Variants in TMTC3 observed in about 807,000 individuals in gnomAD.
TMTC3 encodes the protein protein O-mannosyl-transferase TMTC3.
In TMTC3, 52 loss-of-function variants were observed where a neutral mutation model predicts 92.2. The observed-to-expected ratio is 0.56, with a 90% CI of 0.45 to 0.71. TMTC3 has a LOEUF of 0.71. TMTC3 is among the 30% of genes least tolerant of loss of function. The probability of loss-of-function intolerance (pLI) is 0.00; values close to 1 mark genes in which losing one functional copy is unlikely to be tolerated. For missense variants in TMTC3, 896 were observed against 1,057.1 expected, an observed-to-expected ratio of 0.85 and a Z score of 2.11; for synonymous variants, 339 against 363.3, an observed-to-expected ratio of 0.93 and a Z score of 0.76.
chr12:88,195,143 A>G lies in TMTC3; in HGVS notation c.2239A>G (p.Met747Val). The change falls in exon 14 of 14, where the codon ATG (methionine) becomes GTG (valine). Residue 747 changes from methionine to valine, a missense_variant. Transcript: ENST00000266712. ...CCTCATTTTAAAAGGAGACATTCTG[A>G]TGAATCAAAAGAAAGATATACTAGG... ...KGLILKGDIL[M>V]NQKKDILGAK... is the part of the protein sequence containing the mutation. The G allele has an allele frequency of 6.2e-7, 1 of 1,613,892 alleles. No homozygotes were observed. Among genetic ancestry groups the G allele is most frequent in the Non-Finnish European group, 8.5e-7 (1 of 1,179,938 alleles).
intron 7 of TMTC3, among the ~76,000 whole-genome samples, chr12:88,169,135 A>G (rs1271985146): frequency 1.3e-5 from 2 of 152,248 alleles, no homozygotes; most frequent in Non-Finnish European, 2.9e-5. Context: ...AAAGCAGTCA[A>G]GAAGAGTGGA....
At chr12:88,143,172 A>T (rs1024607328) in intron 1 of TMTC3, among the ~76,000 whole-genome samples, 10 of 148,808 alleles carry the variant, frequency 6.7e-5, no homozygotes, top group East Asian at 2.0e-4. Context: ...TTTTTTTTTT[A>T]AACGCTGCTT....
chr12:88,145,803 C>T (rs536367121), intron 1 of TMTC3, among the ~76,000 whole-genome samples: 5 of 152,308 alleles, frequency 3.3e-5, no homozygotes, highest in Admixed American at 3.3e-4. Context: ...GTGTAGCTGT[C>T]TGCTAAGAAC....
intron 1 of TMTC3, among the ~76,000 whole-genome samples, chr12:88,143,294 A>T (rs2040797934): frequency 6.6e-6 from 1 of 152,322 alleles, no homozygotes; most frequent in East Asian, 1.9e-4. Flanking sequence ...CAAAATAAAA[A>T]GATACTGATT....
intron 10 of TMTC3, among the ~76,000 whole-genome samples, chr12:88,186,193 A>G (rs1393144887): frequency 6.6e-6 from 1 of 152,118 alleles, no homozygotes; most frequent in African/African-American, 2.4e-5. Context: ...TTGCATCCCT[A>G]GGCAGGATGA....
chr12:88,176,066 A>G, intron 9 of TMTC3, 142 bp from the exon 10 acceptor site: 1 of 546,050 alleles, frequency 1.8e-6, no homozygotes, highest in Non-Finnish European at 3.3e-6. Context: ...TTGGTGAAGC[A>G]GTCTTTATTT....
At chr12:88,152,893 T>G (rs2040959608) in intron 2 of TMTC3, among the ~76,000 whole-genome samples, 1 of 152,202 alleles carries the variant, frequency 6.6e-6, no homozygotes, top group Admixed American at 6.6e-5. Context: ...CTTTTGAAGA[T>G]CTAGCCAGTA....
intron 11 of TMTC3, among the ~76,000 whole-genome samples, 155 bp downstream of exon 11, chr12:88,189,101 T>TA (rs1230023627): frequency 6.6e-6 from 1 of 151,958 alleles, no homozygotes; most frequent in Non-Finnish European, 1.5e-5. Context: ...TTAATTTTTT[T>TA]TTTTTTTTTG....
rs369378055 is a variant in TMTC3 at position 88,157,895 on chromosome 12, C to T, written c.509-2219C>T. On this transcript the variant is annotated intron_variant, in intron 4 of 13. Transcript: ENST00000266712. ...ACTGAAGTGATTGGTTTCAGTAAGA[C>T]ATTTGCATTTATTACTCTTAGTTGA... 5.3e-5 allele frequency among the ~76,000 whole-genome samples: 8 copies of T among 152,242 alleles called. No individual in the cohort carries two copies. In the South Asian group the frequency reaches 1.7e-3, roughly 32 times the overall value.
chr12:88,148,969 A>G (rs1314813203), intron 2 of TMTC3, among the ~76,000 whole-genome samples: 2 of 152,002 alleles, frequency 1.3e-5, no homozygotes, highest in African/African-American at 4.8e-5. Context: ...AATTGACTTT[A>G]TTTCTCTTTT....
At chr12:88,160,275 A>G (rs1275300237) in intron 5 of TMTC3, 46 bp downstream of exon 5, 1 of 1,094,502 alleles carries the variant, frequency 9.1e-7, no homozygotes, top group Non-Finnish European at 1.3e-6. Context: ...GATATATTTT[A>G]TCCTAGTTGA....
intron 7 of TMTC3, among the ~76,000 whole-genome samples, chr12:88,171,360 C>T (rs111572653): frequency 0.016 from 2,481 of 152,084 alleles, 23 homozygotes; most frequent in Non-Finnish European, 0.024. Flanking sequence ...CCAACCTCTC[C>T]CCAACCTTCT....
intron 10 of TMTC3, among the ~76,000 whole-genome samples, chr12:88,183,126 T>G (rs1394110411): frequency 6.6e-6 from 1 of 152,150 alleles, no homozygotes; most frequent in Non-Finnish European, 1.5e-5. Context: ...GCTCCTCAAC[T>G]AATTCATGGG....
chr12:88,174,937 G>A (rs1489099678), intron 9 of TMTC3, among the ~76,000 whole-genome samples: 3 of 152,068 alleles, frequency 2.0e-5, no homozygotes, highest in Non-Finnish European at 4.4e-5. Flanking sequence ...AAGCATATAT[G>A]ATAATTCCCT....
At chr12:88,182,653 A>G (rs191487499) in intron 10 of TMTC3, among the ~76,000 whole-genome samples, 175 of 152,306 alleles carry the variant, frequency 1.1e-3, no homozygotes, top group Non-Finnish European at 2.0e-3. Flanking sequence ...TTATAAACTT[A>G]AAAGTACTGG....
At chr12:88,185,352 T>TC (rs2041365122) in intron 10 of TMTC3, among the ~76,000 whole-genome samples, 1 of 151,998 alleles carries the variant, frequency 6.6e-6, no homozygotes, top group African/African-American at 2.4e-5. Flanking sequence ...TTTTTTTTTT[T>TC]CTTGGCTTTT....
intron 9 of TMTC3, among the ~76,000 whole-genome samples, chr12:88,175,310 A>G (rs1380188638): frequency 6.6e-6 from 1 of 152,208 alleles, no homozygotes; most frequent in East Asian, 1.9e-4. Flanking sequence ...GGTCTTTTAA[A>G]AAACAAAAAT....
rs142506336 is a variant in TMTC3, at chr12:88,161,027, G to A, written c.797+176G>A. 4.3e-3 allele frequency among the ~76,000 whole-genome samples: 651 copies of A among 152,084 alleles called. 5 individuals are homozygous for A. The highest frequency in any genetic ancestry group is 0.015 in the African/African-American group (629 of 41,520). On this transcript the variant is annotated intron_variant, in intron 6 of 13. Coordinates refer to ENST00000266712, the MANE Select transcript of TMTC3 (RefSeq NM_181783.4). ...TATGTACTGATAATTTTTGACATAT[G>A]TATACACCCTTAAAGCCCCCACAAT...
At chr12:88,187,284 C>G (rs2041388949) in intron 10 of TMTC3, among the ~76,000 whole-genome samples, 1 of 151,828 alleles carries the variant, frequency 6.6e-6, no homozygotes, top group Admixed American at 6.6e-5. Context: ...AAGCAAATAC[C>G]CTGATCTAAT....
Sources: allele counts gnomAD v4.1 joint callset (sites outside exome capture counted in the v4.1 genomes callset), GRCh38; gene constraint gnomAD v4.1.1; transcripts MANE v1.5; gene names NCBI Gene and HGNC (gene_info 2026-07-23, HGNC 2026-07-21).